Variants in ARL5C observed in about 807,000 individuals in gnomAD.
ARL5C encodes the protein ARF like GTPase 5C.
In ARL5C, 21 loss-of-function variants were observed where a neutral mutation model predicts 20.8. The observed-to-expected ratio is 1.01, with a 90% CI of 0.72 to 1.46. The LOEUF is 1.46. Among genes scored for constraint, ARL5C ranks in the 40% most tolerant of loss-of-function variants. The pLI, the probability that ARL5C is intolerant of heterozygous loss-of-function variation, is 0.00. For synonymous variants in ARL5C, 71 were observed against 81.6 expected (o/e 0.87, Z 0.70); for missense variants, 199 against 225.1 (o/e 0.88, Z 0.74).
At chr17:39,164,544 T>C (rs541705560) in intron 2 of ARL5C, among the ~76,000 whole-genome samples, 1 of 152,308 alleles carries the variant, frequency 6.6e-6, no homozygotes, top group Admixed American at 6.5e-5. Flanking sequence ...GTATTACTTT[T>C]TCATGGAAAA....
intron 2 of ARL5C, 126 bp from the exon 3 acceptor site, chr17:39,162,984 CCT>C: frequency 3.4e-6 from 4 of 1,176,096 alleles, no homozygotes; most frequent in Non-Finnish European, 4.7e-6. Flanking sequence ...TCACCAAACA[CCT>C]GCTCGGAGCC....
downstream of ARL5C, among the ~76,000 whole-genome samples, chr17:39,156,742 A>G (rs914610206): frequency 9.9e-5 from 15 of 152,236 alleles, no homozygotes; most frequent in African/African-American, 3.4e-4. Context: ...GCTTCTCAGC[A>G]ACGGGTTGGG....
At chr17:39,163,487 G>A (rs972505441) in intron 2 of ARL5C, among the ~76,000 whole-genome samples, 1 of 150,530 alleles carries the variant, frequency 6.6e-6, no homozygotes, top group Non-Finnish European at 1.5e-5. Flanking sequence ...ATGTCTCCCA[G>A]GTTCAAGCAA....
At chr17:39,156,978 C>T (rs2045408921) in intron 5 of ARL5C, 36 bp from the exon 6 acceptor site, 1 of 1,550,574 alleles carries the variant, frequency 6.4e-7, no homozygotes, top group Non-Finnish European at 8.7e-7. Context: ...GTCAGCCTAA[C>T]CCAAGAGAAT....
intron 1 of ARL5C, 194 bp downstream of exon 1, chr17:39,165,521 G>A (rs2045458550): frequency 3.0e-6 from 2 of 662,694 alleles, no homozygotes; most frequent in Admixed American, 2.9e-5. Flanking sequence ...TTTGCGTCCT[G>A]GGGCGCACCG....
In ARL5C at chr17:39,165,843, C is replaced by T; in HGVS notation, c.-83G>A. 6.7e-7 allele frequency: 1 copy of T among 1,489,658 alleles called. No individual in the cohort carries two copies. Among genetic ancestry groups the T allele is most frequent in the Admixed American group, 2.0e-5 (1 of 50,500 alleles). 92.3% of individuals were successfully genotyped at this position (1,489,658 alleles called of 1,614,324 possible). A position where few individuals can be genotyped will look rare whatever the true frequency, so the allele number is the denominator to read the frequency against. On this transcript the variant is annotated 5_prime_UTR_variant, in exon 1 of 6. Transcript: ENST00000269586. ...GCCCTGGTATTCGGAGCTCCGCTCC[C>T]CCGGGAGGGTCTGGCAGATTTTGCC...
chr17:39,160,535 T>A (rs1275236846), intron 5 of ARL5C, 56 bp downstream of exon 5: 2 of 1,534,478 alleles, frequency 1.3e-6, no homozygotes, highest in South Asian at 2.4e-5. Flanking sequence ...GTTCTGATGG[T>A]CAGTCATCCA....
intron 2 of ARL5C, among the ~76,000 whole-genome samples, chr17:39,163,550 G>A (rs763185890): frequency 3.3e-5 from 5 of 151,322 alleles, no homozygotes; most frequent in Admixed American, 6.6e-5. Flanking sequence ...ACACCCCCAC[G>A]CCAGGCTTAT....
At chr17:39,159,295 TTC>T (rs2045422956) in intron 5 of ARL5C, among the ~76,000 whole-genome samples, 1 of 137,914 alleles carries the variant, frequency 7.3e-6, no homozygotes, top group African/African-American at 3.0e-5. Flanking sequence ...TTTTCTTTCT[TTC>T]TTTTTTTTTT....
At chr17:39,161,642 T>C (rs1039311147) in intron 3 of ARL5C, among the ~76,000 whole-genome samples, 5 of 152,010 alleles carry the variant, frequency 3.3e-5, no homozygotes, top group Admixed American at 1.3e-4. Context: ...GCCTCCCAAG[T>C]AGCTGGGATT....
intron 3 of ARL5C, among the ~76,000 whole-genome samples, chr17:39,161,794 AG>A (rs1385397131): frequency 6.6e-6 from 1 of 152,076 alleles, no homozygotes; most frequent in African/African-American, 2.4e-5. Context: ...GATTACCACC[AG>A]GTGTGCTGCC....
rs2045460998 is a variant in ARL5C, at chr17:39,165,837, C to T, written c.-77G>A. ...GAGTCGGCCCTGGTATTCGGAGCTC[C>T]GCTCCCCCGGGAGGGTCTGGCAGAT... is the stretch of plus-strand genomic sequence containing the variant. On this transcript the variant is annotated 5_prime_UTR_variant, in exon 1 of 6. Transcript: ENST00000269586. 6.6e-7 allele frequency: 1 copy of T among 1,511,258 alleles called. No individual in the cohort carries two copies. Among genetic ancestry groups the T allele is most frequent in the South Asian group, 1.2e-5 (1 of 83,214 alleles). 93.6% of individuals were successfully genotyped at this position (1,511,258 alleles called of 1,614,324 possible).
At chr17:39,165,670 G>A (rs776370721) in intron 1 of ARL5C, 45 bp downstream of exon 1, 1 of 1,550,822 alleles carries the variant, frequency 6.4e-7, no homozygotes, top group South Asian at 1.2e-5. Context: ...TCCCAGAAGA[G>A]GGCGAGATCA....
chr17:39,159,019 C>CTTGTTTTT lies in ARL5C; in HGVS notation c.491+1564_491+1571dup, dbSNP rs2045420617. Among the ~76,000 whole-genome samples the CTTGTTTTT allele has an allele frequency of 3.1e-5, 2 of 63,960 alleles. 1 individual carries two copies. The highest frequency in any genetic ancestry group is 6.4e-5 in the Non-Finnish European group (2 of 31,110). The allele number at this position is 63,960 out of a possible 152,430, so 42.0% of individuals were successfully genotyped here. The stretch of plus-strand genomic sequence containing the variant: ...TCTTTATTCACCTTATCATTTATCA[C>CTTGTTTTT]TTGTTTTTTTTTTTTTTTTTTTTTT... On this transcript the variant is annotated intron_variant, in intron 5 of 5. Coordinates refer to ENST00000269586, the MANE Select transcript of ARL5C (RefSeq NM_001143968.1).
At position 39,160,735 on chromosome 17, in the gene ARL5C, T is replaced by C. The variant is rs16522; in HGVS notation, c.347A>G (p.Gln116Arg). Reference sequence around the variant, plus strand: ...GGCAAATATCAGGACTGAAGCATCCTGTAGAGCCTGTGGACAGAGGAGCCC... The same window carrying C: ...GGCAAATATCAGGACTGAAGCATCCCGTAGAGCCTGTGGACAGAGGAGCCC... The part of the protein sequence containing the change: ...LYKMLAHEAL[Q>R]DASVLIFANK... Residue 116 changes from glutamine (Q) to arginine (R), a missense_variant, in exon 5 of 6, where the codon CAG becomes CGG. Transcript: ENST00000269586. 227,693 of 1,551,174 alleles carry C rather than the reference T, an allele frequency of 0.15. 17,466 individuals are homozygous for C. Among genetic ancestry groups the C allele is most frequent in the East Asian group, 0.22 (8,934 of 41,026 alleles).
In ARL5C at chr17:39,166,103, C is replaced by T. The variant is rs1434168058; in HGVS notation, c.-343G>A. On this transcript the variant is annotated 5_prime_UTR_variant, in exon 1 of 6. Coordinates refer to ENST00000269586, the MANE Select transcript of ARL5C (RefSeq NM_001143968.1). ...GCAAATCAGGGGAGACTCAGCACTG[C>T]GCGCGGAACCGGATCCCAGCTCTCC... is the stretch of plus-strand genomic sequence containing the variant. 6.2e-6 allele frequency: 2 copies of T among 320,298 alleles called. No homozygotes were observed. Among genetic ancestry groups the T allele is most frequent in the South Asian group, 3.7e-5 (1 of 26,922 alleles). 19.8% of individuals were successfully genotyped at this position (320,298 alleles called of 1,614,324 possible).
At position 39,162,784 on chromosome 17, in the gene ARL5C, T is replaced by C; in HGVS notation, c.182A>G (p.His61Arg). 2 of 1,551,392 alleles carry C rather than the reference T, an allele frequency of 1.3e-6. No homozygotes were observed. The highest frequency in any genetic ancestry group is 1.7e-6 in the Non-Finnish European group (2 of 1,146,832). ...NVEEIILPKTHFFMWDIVRPE... is the reference protein window; with the variant it reads ...NVEEIILPKTRFFMWDIVRPE... Reference sequence around the variant, plus strand: ...TCTCACTATGTCCCACATGAAGAAGTGGGTCTTCGGCAGAATGATCTCCTC... The same window carrying C: ...TCTCACTATGTCCCACATGAAGAAGCGGGTCTTCGGCAGAATGATCTCCTC... Residue 61 changes from histidine to arginine, a missense_variant, in exon 3 of 6, where the codon CAC becomes CGC. By Grantham distance (29) the His-to-Arg change is conservative. Transcript: ENST00000269586.
chr17:39,162,960 A>T, intron 2 of ARL5C, 102 bp from the exon 3 acceptor site: 1 of 1,388,216 alleles, frequency 7.2e-7, no homozygotes, highest in Non-Finnish European at 9.7e-7. Flanking sequence ...AACTCAGAAC[A>T]AGTCCACCCA....
At position 39,161,267 on chromosome 17, in the gene ARL5C, C is replaced by T. The variant is rs2045433235; in HGVS notation, c.339+1G>A. 2 of 1,551,822 alleles carry T rather than the reference C, an allele frequency of 1.3e-6. No individual in the cohort carries two copies. The highest frequency in any genetic ancestry group is 1.7e-6 in the Non-Finnish European group (2 of 1,146,976). Reference sequence around the variant, plus strand: ...CCCTCTCCCAACTGCAGGGGGCTTACCTCATGGGCCAGCATTTTATATAGC... The same window carrying T: ...CCCTCTCCCAACTGCAGGGGGCTTATCTCATGGGCCAGCATTTTATATAGC... On this transcript the variant is annotated splice_donor_variant, in intron 4 of 5. Transcript: ENST00000269586. LOFTEE classifies it high-confidence loss of function.
Sources: gnomAD v4.1 joint callset for allele counts (sites outside exome capture counted in the v4.1 genomes callset) on GRCh38, gnomAD v4.1.1 for gene constraint, MANE v1.5 for transcripts, NCBI Gene and HGNC (gene_info 2026-07-23, HGNC 2026-07-21) for gene names.